The following TRIM60 variants were observed in gnomAD, a reference collection of about 807,000 sequenced individuals.
The protein encoded by TRIM60 is tripartite motif-containing protein 60.
For synonymous variants in TRIM60, 189 were observed against 195.2 expected (o/e 0.97, Z 0.27); for missense variants, 524 against 540.8 (o/e 0.97, Z 0.31).
intron 1 of TRIM60, among the ~76,000 whole-genome samples, chr4:165,036,182 C>A (rs1255669991): frequency 1.3e-5 from 2 of 152,212 alleles, no homozygotes; most frequent in East Asian, 1.9e-4. Flanking sequence ...TTCTTCCGCA[C>A]AATACCACTT....
rs1733745856 is a variant in TRIM60 at position 165,040,899 on chromosome 4, G to A, written c.827G>A (p.Gly276Asp). ...TTTTCATTTAGATTAACAAAATATG[G>A]TTTCAGTCTTCCTCCTCAATATTCT... ...ELFSFRLTKY[G>D]FSLPPQYSGL... Residue 276 changes from glycine (G) to aspartate (D), a missense_variant, in exon 3 of 3, where the codon GGT becomes GAT. Transcript: ENST00000512596. 2 of 1,612,546 alleles carry A rather than the reference G, an allele frequency of 1.2e-6. No individual in the cohort carries two copies. The highest frequency in any genetic ancestry group is 1.3e-5 in the African/African-American group (1 of 74,852).
At position 165,041,344 on chromosome 4, in the gene TRIM60, T is replaced by C; in HGVS notation, c.1272T>C (p.Gly424=). The C allele has an allele frequency of 6.2e-7, 1 of 1,614,150 alleles. No homozygotes were observed. Among genetic ancestry groups the C allele is most frequent in the Non-Finnish European group, 8.5e-7 (1 of 1,180,002 alleles). Reference sequence around the variant, plus strand: ...GTATTTTTCTGGACTATGAATTGGGTGATCTTTCCTTTTATAATATGAATG... The same window carrying C: ...GTATTTTTCTGGACTATGAATTGGGCGATCTTTCCTTTTATAATATGAATG... The part of the protein sequence containing the change: ...KIGIFLDYEL[G]DLSFYNMNDR... The change falls in exon 3 of 3, where the codon GGT becomes GGC. Residue 424 remains glycine (G), a synonymous_variant. Coordinates refer to ENST00000512596, the MANE Select transcript of TRIM60 (RefSeq NM_152620.3).
intron 1 of TRIM60, among the ~76,000 whole-genome samples, chr4:165,038,087 A>G (rs1242084203): frequency 2.0e-5 from 3 of 152,162 alleles, no homozygotes; most frequent in African/African-American, 7.2e-5. Flanking sequence ...GGAGGCAGTC[A>G]GATTGATGAG....
chr4:165,038,930 G>A (rs930908267), intron 1 of TRIM60, among the ~76,000 whole-genome samples: 1 of 151,986 alleles, frequency 6.6e-6, no homozygotes, highest in African/African-American at 2.4e-5. Flanking sequence ...AGGCGTGGTG[G>A]TAGGCGCCTT....
chr4:165,040,043 A>G (rs927661574), intron 2 of TRIM60, 26 bp from the exon 3 acceptor site: 2 of 1,590,350 alleles, frequency 1.3e-6, no homozygotes, highest in Non-Finnish European at 1.7e-6. Context: ...AAGGGAGGTT[A>G]CCTTATGCAT....
At position 165,040,792 on chromosome 4, in the gene TRIM60, G is replaced by A. The variant is rs752249388; in HGVS notation, c.720G>A (p.Lys240=). ...LKHLLREVEG[K]SVQSNLELLT... is the part of the protein sequence containing the mutation. ...ATCTACTGAGGGAGGTAGAGGGCAA[G>A]TCTGTGCAGTCAAACCTGGAATTAC... Residue 240 remains lysine, a synonymous_variant, in exon 3 of 3, where the codon AAG becomes AAA. Coordinates refer to ENST00000512596, the MANE Select transcript of TRIM60 (RefSeq NM_152620.3). 3 of 1,614,206 alleles carry A rather than the reference G, an allele frequency of 1.9e-6. No homozygotes were observed. Among genetic ancestry groups the A allele is most frequent in the South Asian group, 1.1e-5 (1 of 91,088 alleles).
Position 165,040,959 on chromosome 4 carries a change from A to G in TRIM60, c.887A>G (p.Asp296Gly). ...LDRIIKPFQV[D>G]VILDLNTAHP... ...AGAATTATCAAGCCATTTCAAGTAGATGTGATTCTAGATCTCAACACAGCA... is the reference window on the plus strand; with the variant it reads ...AGAATTATCAAGCCATTTCAAGTAGGTGTGATTCTAGATCTCAACACAGCA... Residue 296 changes from aspartate to glycine, a missense_variant, in exon 3 of 3, where the codon GAT becomes GGT. Asp to Gly is a moderately conservative substitution (Grantham distance 94). Transcript: ENST00000512596. 6.2e-7 allele frequency: 1 copy of G among 1,614,012 alleles called. No individual in the cohort carries two copies. The highest frequency in any genetic ancestry group is 8.5e-7 in the Non-Finnish European group (1 of 1,179,876).
rs1384696214 is a variant in TRIM60, at chr4:165,041,298, T to C, written c.1226T>C (p.Val409Ala). The C allele has an allele frequency of 6.8e-6, 11 of 1,614,098 alleles. No individual in the cohort carries two copies. The highest frequency in any genetic ancestry group is 9.3e-6 in the Non-Finnish European group (11 of 1,180,056). Residue 409 changes from valine to alanine, a missense_variant, in exon 3 of 3, where the codon GTA (valine) becomes GCA (alanine). Coordinates refer to ENST00000512596, the MANE Select transcript of TRIM60 (RefSeq NM_152620.3). ...SGPKTTQLLP[V>A]VKPSKIGIFL... ...CCTAAGACAACCCAGCTTCTGCCAG[T>C]AGTAAAACCCAGTAAAATTGGTATT...
Position 165,032,058 on chromosome 4 carries a change from G to A in TRIM60, c.-111G>A, listed in dbSNP as rs1481700276. 1 of 152,408 alleles carries A rather than the reference G, an allele frequency of 6.6e-6. No individual in the cohort carries two copies. The highest frequency in any genetic ancestry group is 1.5e-5 in the Non-Finnish European group (1 of 68,212). The allele number at this position is 152,408 out of a possible 1,614,324, so 9.4% of individuals were successfully genotyped here. ...AGGGTTTCCGCTCTGCGCCCCGCGGGGTTCCATGGGTCCTGCACAGCATCA... is the reference window on the plus strand; with the variant it reads ...AGGGTTTCCGCTCTGCGCCCCGCGGAGTTCCATGGGTCCTGCACAGCATCA... On this transcript the variant is annotated 5_prime_UTR_variant, in exon 1 of 3. Transcript: ENST00000512596.
At position 165,041,261 on chromosome 4, in the gene TRIM60, GT is replaced by G. The variant is rs1264906720; in HGVS notation, c.1191del (p.Ala398ArgfsTer12). The G allele has an allele frequency of 1.2e-6, 2 of 1,614,094 alleles. No homozygotes were observed. The highest frequency in any genetic ancestry group is 1.7e-6 in the Non-Finnish European group (2 of 1,180,046). ...TGGGCGATACATGAAGAGTGGTTAT[GT>G]TGCGTCAGGTCCTAAGACAACCCAG... is the stretch of plus-strand genomic sequence containing the variant. ...AIGRYMKSGY[V>X]ASGPKTTQLL... is the part of the protein sequence containing the mutation. On this transcript the variant is annotated frameshift_variant, in exon 3 of 3. Coordinates refer to ENST00000512596, the MANE Select transcript of TRIM60 (RefSeq NM_152620.3). LOFTEE classifies it low-confidence loss of function (END_TRUNC).
chr4:165,033,022 T>G, intron 1 of TRIM60, among the ~76,000 whole-genome samples: 1 of 141,230 alleles, frequency 7.1e-6, no homozygotes, highest in Non-Finnish European at 1.5e-5. Flanking sequence ...GACCCCTGTC[T>G]CTACAAAAAA....
Position 165,040,970 on chromosome 4 carries a change from G to T in TRIM60, c.898G>T (p.Asp300Tyr). 6.2e-7 allele frequency: 1 copy of T among 1,614,060 alleles called. No individual in the cohort carries two copies. The highest frequency in any genetic ancestry group is 8.5e-7 in the Non-Finnish European group (1 of 1,179,946). Residue 300 changes from aspartate to tyrosine, a missense_variant, in exon 3 of 3, where the codon GAT becomes TAT. Physicochemically the swap from Asp to Tyr is radical, Grantham distance 160. Coordinates refer to ENST00000512596, the MANE Select transcript of TRIM60 (RefSeq NM_152620.3). ...IKPFQVDVIL[D>Y]LNTAHPQLLV... ...GCCATTTCAAGTAGATGTGATTCTA[G>T]ATCTCAACACAGCACATCCTCAACT...
At chr4:165,037,832 C>T (rs1305711817) in intron 1 of TRIM60, among the ~76,000 whole-genome samples, 1 of 152,108 alleles carries the variant, frequency 6.6e-6, no homozygotes, top group Non-Finnish European at 1.5e-5. Flanking sequence ...ACATTATTCT[C>T]TATTTGTATT....
intron 1 of TRIM60, among the ~76,000 whole-genome samples, chr4:165,034,302 C>T (rs574877558): frequency 2.6e-5 from 4 of 152,014 alleles, no homozygotes; most frequent in African/African-American, 7.2e-5. Context: ...TACAGGCGCA[C>T]GCCACTACAC....
At chr4:165,033,255 A>T (rs1733548475) in intron 1 of TRIM60, among the ~76,000 whole-genome samples, 1 of 152,180 alleles carries the variant, frequency 6.6e-6, no homozygotes, top group African/African-American at 2.4e-5. Context: ...GATCTCAAGC[A>T]GTAGAGGTTG....
intron 1 of TRIM60, among the ~76,000 whole-genome samples, chr4:165,035,599 A>T (rs991975521): frequency 6.6e-6 from 1 of 152,252 alleles, no homozygotes; most frequent in African/African-American, 2.4e-5. Context: ...GGAAGAGATC[A>T]TGCAGGCTCC....
chr4:165,034,976 G>A (rs1359916473), intron 1 of TRIM60, among the ~76,000 whole-genome samples: 1 of 152,166 alleles, frequency 6.6e-6, no homozygotes, highest in African/African-American at 2.4e-5. Flanking sequence ...ATAAGATTTT[G>A]TAATAATACC....
intron 1 of TRIM60, 50 bp from the exon 2 acceptor site, chr4:165,039,151 T>C (rs1388677165): frequency 6.6e-6 from 1 of 152,006 alleles, no homozygotes; most frequent in Admixed American, 6.6e-5. Flanking sequence ...TTTATATATA[T>C]ATTCTGCAAA....
chr4:165,033,125 G>A (rs1733545762), intron 1 of TRIM60, among the ~76,000 whole-genome samples: 1 of 152,192 alleles, frequency 6.6e-6, no homozygotes, highest in African/African-American at 2.4e-5. Context: ...GGAGGCAGAG[G>A]TTGCAGTGAA....
Sources: allele counts gnomAD v4.1 joint callset (sites outside exome capture counted in the v4.1 genomes callset), GRCh38; gene constraint gnomAD v4.1.1; transcripts MANE v1.5; gene names NCBI Gene and HGNC (gene_info 2026-07-23, HGNC 2026-07-21).